Variants in BFSP1 observed in about 807,000 individuals in gnomAD.
BFSP1 encodes the protein filensin.
BFSP1 carries 38 observed loss-of-function variants against 43.9 expected under a neutral mutation model. That is an observed-to-expected ratio of 0.87 (90% CI 0.67 to 1.14). The LOEUF (loss-of-function observed/expected upper bound fraction) is 1.14, where lower values mean the gene tolerates loss of function less well. BFSP1 is among the 50% of genes most tolerant of loss of function. BFSP1 has a pLI of 0.00. For synonymous variants in BFSP1, 352 were observed against 354.8 expected (o/e 0.99, Z 0.09); for missense variants, 850 against 875.1 (o/e 0.97, Z 0.36).
chr20:17,550,996 A>G (rs1434137351), intron 1 of BFSP1, among the ~76,000 whole-genome samples: 1 of 152,140 alleles, frequency 6.6e-6, no homozygotes, highest in East Asian at 1.9e-4. Context: ...CTGCTTCCCT[A>G]ACATGATGAC....
At chr20:17,559,093 A>AT (rs1600688145), upstream of BFSP1, 2 of 179,820 alleles carry the variant, frequency 1.1e-5, no homozygotes, top group East Asian at 2.9e-4. Context: ...TGTTTGCCTC[A>AT]TTTACACGTA....
rs1348434498 is a variant in BFSP1, at chr20:17,496,983, T to G, written c.997A>C (p.Thr333Pro). The G allele has an allele frequency of 6.5e-7, 1 of 1,543,738 alleles. No homozygotes were observed. Residue 333 changes from threonine (T) to proline (P), a missense_variant, in exon 7 of 8, where the codon ACC becomes CCC. By Grantham distance (38) the Thr-to-Pro change is conservative. Coordinates refer to ENST00000377873, the MANE Select transcript of BFSP1 (RefSeq NM_001195.5). ...CTGAGAGAGACTCCATGGCTCTGGGTGAACAGGGGAATGGGAGTTTCAATG... is the reference window on the plus strand; with the variant it reads ...CTGAGAGAGACTCCATGGCTCTGGGGGAACAGGGGAATGGGAGTTTCAATG... ...AFIETPIPLF[T>P]QSHGVSLSTG...
intron 5 of BFSP1, among the ~76,000 whole-genome samples, chr20:17,500,434 C>T (rs570576374): frequency 6.6e-6 from 1 of 152,334 alleles, no homozygotes; most frequent in South Asian, 2.1e-4. Context: ...CTTGTGACAA[C>T]CGCAGCCATC....
chr20:17,507,275 G>C lies in BFSP1; in HGVS notation c.735+1614C>G. Among the ~76,000 whole-genome samples the C allele has an allele frequency of 8.9e-6, 1 of 111,944 alleles. No homozygotes were observed. Among genetic ancestry groups the C allele is most frequent in the Non-Finnish European group, 1.8e-5 (1 of 55,730 alleles). The allele number at this position is 111,944 out of a possible 152,430, so 73.4% of individuals were successfully genotyped here. A position where few individuals can be genotyped will look rare whatever the true frequency, so the allele number is the denominator to read the frequency against. ...AGCCATACACATCAGATAGGTAGGT[G>C]TGTGTGTGTGTGTGTGTGTGTGTGT... On this transcript the variant is annotated intron_variant, in intron 5 of 7. Transcript: ENST00000377873. The surrounding 1 kb of genome is among the most constrained non-coding windows in gnomAD (Gnocchi z 4.4).
Position 17,493,951 on chromosome 20 carries a change from G to C in BFSP1, c.*123C>G. On this transcript the variant is annotated 3_prime_UTR_variant, in exon 8 of 8. Transcript: ENST00000377873. Reference sequence around the variant, plus strand: ...AATGAAGGCTTCGTTGGCAATGCCAGATGGGTCAACTATGGTCTAATCCAA... The same window carrying C: ...AATGAAGGCTTCGTTGGCAATGCCACATGGGTCAACTATGGTCTAATCCAA... 1 of 926,916 alleles carries C rather than the reference G, an allele frequency of 1.1e-6. No individual in the cohort carries two copies. The highest frequency in any genetic ancestry group is 1.6e-6 in the Non-Finnish European group (1 of 617,718). The allele number at this position is 926,916 out of a possible 1,614,324, so 57.4% of individuals were successfully genotyped here.
At chr20:17,524,098 C>T (rs147465122) in intron 2 of BFSP1, among the ~76,000 whole-genome samples, 30 of 152,244 alleles carry the variant, frequency 2.0e-4, no homozygotes, top group Middle Eastern at 6.8e-3. Flanking sequence ...CTCCATGGGT[C>T]GTTCTGCTCT....
chr20:17,557,835 G>A (rs2035018566), intron 1 of BFSP1, among the ~76,000 whole-genome samples: 1 of 152,140 alleles, frequency 6.6e-6, no homozygotes, highest in Non-Finnish European at 1.5e-5. Context: ...GGAAAACCCA[G>A]CTGAAAGGCA....
intron 1 of BFSP1, among the ~76,000 whole-genome samples, chr20:17,529,919 C>T (rs2034498253): frequency 6.6e-6 from 1 of 152,218 alleles, no homozygotes; most frequent in South Asian, 2.1e-4. Context: ...AGAGCACACA[C>T]ATTTATAACT....
At chr20:17,512,144 G>T (rs748169221) in intron 3 of BFSP1, 76 bp from the exon 4 acceptor site, 30 of 1,229,000 alleles carry the variant, frequency 2.4e-5, no homozygotes, top group Non-Finnish European at 2.7e-5. Flanking sequence ...GATGAGAACA[G>T]GAATGGACAC....
At chr20:17,526,159 G>T (rs1263937567) in intron 1 of BFSP1, among the ~76,000 whole-genome samples, 1 of 70,266 alleles carries the variant, frequency 1.4e-5, no homozygotes, top group Non-Finnish European at 2.8e-5. Flanking sequence ...GGGGGGGGGG[G>T]GCTGGTAAAA....
upstream of BFSP1, chr20:17,563,208 C>T (rs1240751466): frequency 6.6e-6 from 1 of 152,300 alleles, no homozygotes; most frequent in African/African-American, 2.4e-5. Flanking sequence ...CTTAGCTGAG[C>T]ACACTGCTAG....
chr20:17,534,100 T>G (rs142482477), upstream of BFSP1, among the ~76,000 whole-genome samples: 4 of 152,218 alleles, frequency 2.6e-5, no homozygotes, highest in Non-Finnish European at 5.9e-5. Context: ...ATATCACTGA[T>G]AGGAGACCAT....
At chr20:17,551,228 G>T (rs980200780) in intron 1 of BFSP1, among the ~76,000 whole-genome samples, 4 of 152,198 alleles carry the variant, frequency 2.6e-5, no homozygotes, top group African/African-American at 9.6e-5. Context: ...ACCAGCATCT[G>T]CTCGGCTTCT....
chr20:17,548,193 A>AAG (rs1555805359), intron 1 of BFSP1, among the ~76,000 whole-genome samples: 3 of 150,848 alleles, frequency 2.0e-5, no homozygotes, highest in African/African-American at 7.3e-5. Context: ...AAAAAAAAAA[A>AAG]AAAAAAGAAA....
intron 1 of BFSP1, among the ~76,000 whole-genome samples, chr20:17,564,195 G>C (rs1374860867): frequency 7.9e-5 from 12 of 151,222 alleles, no homozygotes; most frequent in Admixed American, 4.0e-4. Flanking sequence ...CACACACACA[G>C]ACACAGACAC....
At chr20:17,568,398 G>A (rs1435794492) in intron 1 of BFSP1, among the ~76,000 whole-genome samples, 1 of 152,140 alleles carries the variant, frequency 6.6e-6, no homozygotes, top group African/African-American at 2.4e-5. Context: ...ATTAAGAAGT[G>A]TAAGGGCCAC....
At chr20:17,526,672 G>C (rs901203201) in intron 1 of BFSP1, among the ~76,000 whole-genome samples, 4 of 151,972 alleles carry the variant, frequency 2.6e-5, no homozygotes, top group African/African-American at 9.7e-5. Context: ...AATTCTTTTG[G>C]GTATATGCAC....
In BFSP1 at chr20:17,531,229, C is replaced by A; in HGVS notation, c.101G>T (p.Gly34Val). The A allele has an allele frequency of 7.2e-7, 1 of 1,389,136 alleles. No individual in the cohort carries two copies. Among genetic ancestry groups the A allele is most frequent in the Non-Finnish European group, 9.3e-7 (1 of 1,070,960 alleles). The allele number at this position is 1,389,136 out of a possible 1,614,324, so 86.1% of individuals were successfully genotyped here. ...CGCCAGGCTCGTTGCCCCAGCCCAG[C>A]CCTCGTCGGCCGGGCGCTCGGGCTC... ...AAEPERPADE[G>V]WAGATSLAAL... The change falls in exon 1 of 8, where the codon GGC becomes GTC. Residue 34 changes from glycine to valine, a missense_variant. Physicochemically the swap from Gly to Val is moderately radical, Grantham distance 109 (BLOSUM62 -3). Coordinates refer to ENST00000377873, the MANE Select transcript of BFSP1 (RefSeq NM_001195.5).
chr20:17,564,028 C>T (rs2035092912), intron 1 of BFSP1, among the ~76,000 whole-genome samples: 1 of 151,624 alleles, frequency 6.6e-6, no homozygotes, highest in Non-Finnish European at 1.5e-5. Context: ...CTATGCACAA[C>T]AAAGCAACAG....
Sources: gnomAD v4.1 joint callset for allele counts (sites outside exome capture counted in the v4.1 genomes callset) on GRCh38, gnomAD v4.1.1 for gene constraint, Gnocchi (gnomAD v3.1) non-coding constraint, MANE v1.5 for transcripts, NCBI Gene and HGNC (gene_info 2026-07-23, HGNC 2026-07-21) for gene names.